The following CCDC32 variants were observed in gnomAD, a reference collection of about 807,000 sequenced individuals.
CCDC32 encodes the protein coiled-coil domain containing 32.
CCDC32 carries 9 observed loss-of-function variants against 20.1 expected under a neutral mutation model. The observed-to-expected ratio is 0.45, with a 90% CI of 0.27 to 0.78. The LOEUF is 0.78. Among genes scored for constraint, CCDC32 ranks in the 30% least tolerant of loss-of-function variants. The pLI, the probability that CCDC32 is intolerant of heterozygous loss-of-function variation, is 0.16. For missense variants in CCDC32, 204 were observed against 215.5 expected (o/e 0.95, Z 0.33); for synonymous variants, 63 against 79.0 (o/e 0.80, Z 1.07).
downstream of CCDC32, among the ~76,000 whole-genome samples, chr15:40,525,531 A>G (rs1238650275): frequency 1.3e-5 from 2 of 152,018 alleles, no homozygotes; most frequent in Admixed American, 1.3e-4. Context: ...GTCCTTCTAA[A>G]TATTCTAAAG....
At chr15:40,563,813 TC>T (rs1303293087) in intron 1 of CCDC32, among the ~76,000 whole-genome samples, 2 of 126,178 alleles carry the variant, frequency 1.6e-5, no homozygotes, top group Non-Finnish European at 3.5e-5. Context: ...TGTTTTTTTT[TC>T]TTTCTTTCTT....
downstream of CCDC32, among the ~76,000 whole-genome samples, chr15:40,551,982 G>A (rs910272761): frequency 1.3e-5 from 2 of 151,848 alleles, no homozygotes; most frequent in African/African-American, 4.8e-5. Flanking sequence ...ATGCGACCCT[G>A]TCTCTACAAA....
downstream of CCDC32, among the ~76,000 whole-genome samples, chr15:40,525,232 C>T (rs540272552): frequency 6.6e-6 from 1 of 152,080 alleles, no homozygotes; most frequent in East Asian, 1.9e-4. Flanking sequence ...GTTTTACCAT[C>T]TTGGCCGGGC....
chr15:40,524,347 G>T (rs1357997919), downstream of CCDC32, among the ~76,000 whole-genome samples: 1 of 151,526 alleles, frequency 6.6e-6, no homozygotes. Context: ...TAGTAGAGAC[G>T]GGGTTTCACC....
chr15:40,529,962 G>T (rs958085582), downstream of CCDC32, among the ~76,000 whole-genome samples: 10 of 151,160 alleles, frequency 6.6e-5, no homozygotes, highest in African/African-American at 2.4e-4. Flanking sequence ...CGCCCAGCCG[G>T]TTGGGATGCT....
At chr15:40,535,320 A>G (rs765992387), downstream of CCDC32, 749 of 1,242,236 alleles carry the variant, frequency 6.0e-4, no homozygotes, top group Non-Finnish European at 6.9e-4. Context: ...CCATTATCAT[A>G]GATCTCCAGC....
chr15:40,533,729 T>C (rs1207540161), downstream of CCDC32, among the ~76,000 whole-genome samples: 1 of 152,110 alleles, frequency 6.6e-6, no homozygotes, highest in African/African-American at 2.4e-5. Context: ...TATTATAAGA[T>C]GCCAAATAAT....
downstream of CCDC32, among the ~76,000 whole-genome samples, chr15:40,530,394 C>G (rs1888836948): frequency 6.7e-6 from 1 of 150,296 alleles, no homozygotes; most frequent in African/African-American, 2.4e-5. Flanking sequence ...TGGTACTGTC[C>G]TTATGGTAGT....
At chr15:40,543,119 G>A (rs1235819084) in intron 3 of CCDC32, among the ~76,000 whole-genome samples, 1 of 151,196 alleles carries the variant, frequency 6.6e-6, no homozygotes, top group Non-Finnish European at 1.5e-5. Flanking sequence ...TCTAGCCTGG[G>A]TGACAGAGCC....
At position 40,560,259 on chromosome 15, in the gene CCDC32, C is replaced by T. The variant is rs984284516; in HGVS notation, c.244+2513G>A. ...TCTTGACCTTGTGATCTGCCTGCCT[C>T]GGTCTCCCAAAGTGCTGGGATTACA... is the stretch of plus-strand genomic sequence containing the variant. On this transcript the variant is annotated intron_variant, in intron 2 of 3. Transcript: ENST00000416810. Among the ~76,000 whole-genome samples the T allele has an allele frequency of 1.2e-4, 18 of 152,194 alleles. 1 individual carries two copies. The highest frequency in any genetic ancestry group is 3.9e-4 in the African/African-American group (16 of 41,452).
At chr15:40,553,071 C>A, downstream of CCDC32, 1 of 966,814 alleles carries the variant, frequency 1.0e-6, no homozygotes, top group Non-Finnish European at 1.2e-6. Flanking sequence ...CAGGAGCAAT[C>A]GAGTCAACAG....
intron 2 of CCDC32, chr15:40,557,914 G>A (rs1375195680): frequency 1.3e-5 from 2 of 149,874 alleles, no homozygotes; most frequent in Admixed American, 1.3e-4. Flanking sequence ...AAATCTCTAT[G>A]TGTGATTAAA....
downstream of CCDC32, among the ~76,000 whole-genome samples, chr15:40,551,643 T>C (rs1240171720): frequency 2.0e-5 from 3 of 151,356 alleles, no homozygotes; most frequent in African/African-American, 7.3e-5. Context: ...ATCCCATCTC[T>C]ACAAAAAATA....
chr15:40,551,878 C>A (rs1013686317), downstream of CCDC32, among the ~76,000 whole-genome samples: 1 of 150,478 alleles, frequency 6.6e-6, no homozygotes, highest in African/African-American at 2.5e-5. Flanking sequence ...AAGGGCCAGG[C>A]ATGGTGACTT....
chr15:40,546,126 C>G (rs531596096), intron 3 of CCDC32, among the ~76,000 whole-genome samples: 95 of 152,088 alleles, frequency 6.2e-4, no homozygotes, highest in African/African-American at 2.2e-3. Flanking sequence ...CCTGTGGAAG[C>G]AATTCATCTC....
chr15:40,549,921 C>T (rs993693216), downstream of CCDC32, among the ~76,000 whole-genome samples: 10 of 152,176 alleles, frequency 6.6e-5, no homozygotes, highest in Admixed American at 3.3e-4. Flanking sequence ...CCAGGGCTTC[C>T]GTCTTCCAGC....
chr15:40,562,778 A>G lies in CCDC32; in HGVS notation c.238T>C (p.Ser80Pro). The change falls in exon 2 of 4, where the codon TCT becomes CCT. Residue 80 changes from serine (S) to proline (P), a missense_variant. By Grantham distance (74) the Ser-to-Pro change is moderately conservative. Transcript: ENST00000416810. Reference sequence around the variant, plus strand: ...CTAGAGCCGTCAAACTTACCTAGAGATGCTAAATACACTTCTGAATCCTGC... The same window carrying G: ...CTAGAGCCGTCAAACTTACCTAGAGGTGCTAAATACACTTCTGAATCCTGC... ...PLQDSEVYLA[S>P]LEKKLRRIKG... 1.2e-6 allele frequency: 2 copies of G among 1,612,900 alleles called. No homozygotes were observed. The highest frequency in any genetic ancestry group is 1.7e-6 in the Non-Finnish European group (2 of 1,179,284).
downstream of CCDC32, among the ~76,000 whole-genome samples, chr15:40,527,956 C>T (rs1894920015): frequency 6.6e-6 from 1 of 152,170 alleles, no homozygotes; most frequent in Non-Finnish European, 1.5e-5. Flanking sequence ...CCATTCATTC[C>T]GCTACTACTA....
chr15:40,539,419 C>A, intron 3 of CCDC32: 1 of 1,376,076 alleles, frequency 7.3e-7, no homozygotes, highest in Admixed American at 2.0e-5. Flanking sequence ...GAGGCACACA[C>A]TAACAGAGTC....
Sources: allele counts gnomAD v4.1 joint callset (sites outside exome capture counted in the v4.1 genomes callset), GRCh38; gene constraint gnomAD v4.1.1; transcripts MANE v1.5; gene names NCBI Gene and HGNC (gene_info 2026-07-23, HGNC 2026-07-21).